The following IGSF11 variants were observed in gnomAD, a reference collection of about 807,000 sequenced individuals.
IGSF11 encodes the protein CXADR like 1.
IGSF11 carries 22 observed loss-of-function variants against 41.0 expected under a neutral mutation model. The observed-to-expected ratio is 0.54, with a 90% CI of 0.38 to 0.77. The LOEUF is 0.77. IGSF11 is among the 30% of genes least tolerant of loss of function. The probability of loss-of-function intolerance (pLI) is 0.00; values close to 1 mark genes in which losing one functional copy is unlikely to be tolerated. For missense variants in IGSF11, 444 were observed against 530.8 expected, an observed-to-expected ratio of 0.84 and a Z score of 1.61; for synonymous variants, 219 against 201.3, an observed-to-expected ratio of 1.09 and a Z score of -0.74.
In IGSF11 at chr3:118,922,255, C is replaced by T. The variant is rs1941873754; in HGVS notation, c.580+3846G>A. ...GCGAGGGCTTTCCTTGTGCATTATG[C>T]AATTGTTTTTCTTTCTTCCCCAGCT... On this transcript the variant is annotated intron_variant, in intron 4 of 6. Coordinates refer to ENST00000393775, the MANE Select transcript of IGSF11 (RefSeq NM_001015887.3). Among the ~76,000 whole-genome samples the T allele has an allele frequency of 2.0e-5, 3 of 152,200 alleles. No individual in the cohort carries two copies. In the South Asian group the frequency reaches 6.2e-4, roughly 32 times the overall value.
chr3:118,902,837 T>G lies in IGSF11; in HGVS notation c.979A>C (p.Lys327Gln). ...YNSRYWSNNP[K>Q]VHRNTESVSH... Reference sequence around the variant, plus strand: ...ACTGACTCTGTGTTTCTATGAACTTTTGGATTGTTGCTCCAGTATCGACTG... The same window carrying G: ...ACTGACTCTGTGTTTCTATGAACTTGTGGATTGTTGCTCCAGTATCGACTG... Residue 327 changes from lysine (K) to glutamine (Q), a missense_variant, in exon 7 of 7, where the codon AAA becomes CAA. Lys to Gln is a moderately conservative substitution (Grantham distance 53, BLOSUM62 1). Transcript: ENST00000393775. 1.2e-6 allele frequency: 2 copies of G among 1,614,196 alleles called. No individual in the cohort carries two copies. Among genetic ancestry groups the G allele is most frequent in the Non-Finnish European group, 1.7e-6 (2 of 1,180,022 alleles).
chr3:118,926,875 G>A (rs961107263), intron 3 of IGSF11, among the ~76,000 whole-genome samples: 1 of 152,116 alleles, frequency 6.6e-6, no homozygotes, highest in Non-Finnish European at 1.5e-5. Flanking sequence ...GGAAGAAGGT[G>A]GTGATATATA....
At chr3:118,943,336 T>C (rs1943850351) in intron 1 of IGSF11, 1 of 152,174 alleles carries the variant, frequency 6.6e-6, no homozygotes, top group Non-Finnish European at 1.5e-5. Flanking sequence ...AGCCTAGAAA[T>C]GATGAGTAAA....
chr3:119,105,106 T>A, intron 1 of IGSF11: 1 of 1,391,962 alleles, frequency 7.2e-7, no homozygotes, highest in Non-Finnish European at 1.0e-6. Context: ...TAATAACCAC[T>A]AATAGTAATA....
At chr3:118,947,887 G>C (rs1397370901) in intron 1 of IGSF11, 1 of 152,124 alleles carries the variant, frequency 6.6e-6, no homozygotes, top group Non-Finnish European at 1.5e-5. Flanking sequence ...TCCAACTTTT[G>C]TTGGTAAGGT....
intron 1 of IGSF11, among the ~76,000 whole-genome samples, chr3:119,057,229 G>A (rs553628824): frequency 4.2e-4 from 64 of 152,160 alleles, no homozygotes; most frequent in Admixed American, 9.8e-4. Flanking sequence ...AAACCCCATC[G>A]TCTCAGCCCA....
intron 1 of IGSF11, among the ~76,000 whole-genome samples, chr3:119,001,793 A>T (rs1361759645): frequency 1.2e-4 from 17 of 146,908 alleles, no homozygotes; most frequent in African/African-American, 4.3e-4. Context: ...CCTACAAAGG[A>T]CATGAACTCA....
At chr3:118,959,774 C>T (rs889318833) in intron 1 of IGSF11, among the ~76,000 whole-genome samples, 4 of 152,072 alleles carry the variant, frequency 2.6e-5, no homozygotes, top group Non-Finnish European at 5.9e-5. Context: ...GTGGGCCGGG[C>T]GCAGTAGCTC....
upstream of IGSF11, among the ~76,000 whole-genome samples, chr3:119,110,035 G>C (rs557019381): frequency 4.1e-4 from 63 of 152,260 alleles, no homozygotes; most frequent in African/African-American, 1.5e-3. Context: ...TGGAATAGGT[G>C]TGGTGTGGTG....
intron 1 of IGSF11, among the ~76,000 whole-genome samples, chr3:119,082,894 A>G (rs898804830): frequency 1.3e-5 from 2 of 152,206 alleles, no homozygotes; most frequent in African/African-American, 4.8e-5. Context: ...AAAACAAACA[A>G]AAAATGTTAT....
intron 1 of IGSF11, among the ~76,000 whole-genome samples, chr3:119,097,873 T>TTCAA (rs2076879026): frequency 6.6e-6 from 1 of 151,280 alleles, no homozygotes; most frequent in South Asian, 2.1e-4. Flanking sequence ...TTACTGCAGC[T>TTCAA]TCAATCTCCC....
chr3:119,142,642 T>A (rs897104459), intron 1 of IGSF11, among the ~76,000 whole-genome samples: 1 of 150,870 alleles, frequency 6.6e-6, no homozygotes, highest in Non-Finnish European at 1.5e-5. Context: ...TGGTGGGAGC[T>A]CCAGAAAAAG....
intron 1 of IGSF11, among the ~76,000 whole-genome samples, chr3:119,005,856 T>C: frequency 7.9e-6 from 1 of 126,150 alleles, no homozygotes; most frequent in Non-Finnish European, 1.6e-5. Context: ...TGGGCTTCCC[T>C]TTGAGGGTAA....
At chr3:119,134,694 C>A (rs2077534287) in intron 1 of IGSF11, among the ~76,000 whole-genome samples, 1 of 152,074 alleles carries the variant, frequency 6.6e-6, no homozygotes, top group African/African-American at 2.4e-5. Flanking sequence ...ACTTTCTTCA[C>A]AGAATTGGAA....
At chr3:119,024,926 T>C (rs546373223) in intron 1 of IGSF11, among the ~76,000 whole-genome samples, 2 of 152,252 alleles carry the variant, frequency 1.3e-5, no homozygotes, top group South Asian at 2.1e-4. Flanking sequence ...TCCTGACACA[T>C]ACAAGATTTG....
At chr3:119,046,487 G>A (rs201889838) in intron 1 of IGSF11, among the ~76,000 whole-genome samples, 18,398 of 151,992 alleles carry the variant, frequency 0.12, 1,278 homozygotes, top group East Asian at 0.24. Flanking sequence ...AGAAATATGG[G>A]ACTATGTGAA....
rs766021216 is a variant in IGSF11 at position 118,904,658 on chromosome 3, T to C, written c.844A>G (p.Asn282Asp). The change falls in exon 6 of 7, where the codon AAT becomes GAT. Residue 282 changes from asparagine to aspartate, a missense_variant. Physicochemically the swap from Asn to Asp is conservative, Grantham distance 23. Transcript: ENST00000393775. ...ATCTGACATACAAACCTTATTTCAT[T>C]AGGAATTTCTTCTTCTTCCTCCTCT... is the stretch of plus-strand genomic sequence containing the variant. ...NKEEEEEEIP[N>D]EIREDDLPPK... The C allele has an allele frequency of 1.2e-6, 2 of 1,609,350 alleles. No homozygotes were observed. The highest frequency in any genetic ancestry group is 1.7e-5 in the Admixed American group (1 of 59,432).
chr3:118,940,318 A>T (rs888639930), intron 1 of IGSF11, among the ~76,000 whole-genome samples: 43 of 152,304 alleles, frequency 2.8e-4, no homozygotes, highest in African/African-American at 1.0e-3. Context: ...ATTCTAATAA[A>T]TGAGTTTAGC....
At chr3:119,061,707 A>G (rs1383836592) in intron 1 of IGSF11, among the ~76,000 whole-genome samples, 5 of 152,186 alleles carry the variant, frequency 3.3e-5, no homozygotes, top group Admixed American at 2.6e-4. Flanking sequence ...ACGGGAACCC[A>G]AACTAAGACA....
Sources: gnomAD v4.1 joint callset for allele counts (sites outside exome capture counted in the v4.1 genomes callset) on GRCh38, gnomAD v4.1.1 for gene constraint, MANE v1.5 for transcripts, NCBI Gene and HGNC (gene_info 2026-07-23, HGNC 2026-07-21) for gene names.